Variants in SLIT3 observed in about 807,000 individuals in gnomAD.
SLIT3 encodes the protein slit guidance ligand 3.
In SLIT3, 68 loss-of-function variants were observed where a neutral mutation model predicts 184.0. The ratio of observed to expected loss-of-function variants is 0.37; its 90% CI spans 0.30 to 0.45. The LOEUF (loss-of-function observed/expected upper bound fraction) is 0.45, where lower values mean the gene tolerates loss of function less well. SLIT3 is among the 20% of genes least tolerant of loss of function. The pLI is 1.00. For missense variants in SLIT3, 1,707 were observed against 2,026.0 expected (o/e 0.84, Z 3.02); for synonymous variants, 831 against 828.6 (o/e 1.00, Z -0.05).
rs762979501 is a variant in SLIT3, at chr5:168,662,501, C to T, written c.*3953G>A. On this transcript the variant is annotated 3_prime_UTR_variant, in exon 36 of 36. Transcript: ENST00000519560. ...CTTGGGAGTTATCCCTCTTCTTGCC[C>T]TTCTTCTCATCTTTTTGAAGCATCA... is the stretch of plus-strand genomic sequence containing the variant. 1 of 151,992 alleles carries T rather than the reference C, an allele frequency of 6.6e-6. No homozygotes were observed. The highest frequency in any genetic ancestry group is 1.5e-5 in the Non-Finnish European group (1 of 68,014). The allele number at this position is 151,992 out of a possible 1,614,324, so 9.4% of individuals were successfully genotyped here.
intron 4 of SLIT3, among the ~76,000 whole-genome samples, chr5:169,006,106 C>G (rs936756636): frequency 5.9e-5 from 9 of 152,078 alleles, no homozygotes; most frequent in African/African-American, 2.2e-4. Flanking sequence ...GGGACACAGA[C>G]AAGAAAAAAA....
In SLIT3 at chr5:169,137,331, C is replaced by CAGAGAGAGAGAG. The variant is rs766822479; in HGVS notation, c.413+56147_413+56148insCTCTCTCTCTCT. Among the ~76,000 whole-genome samples the CAGAGAGAGAGAG allele has an allele frequency of 2.6e-3, 349 of 132,076 alleles. 2 individuals are homozygous for CAGAGAGAGAGAG. The highest frequency in any genetic ancestry group is 7.8e-3 in the Middle Eastern group (2 of 256). 86.6% of individuals were successfully genotyped at this position (132,076 alleles called of 152,430 possible). A position where few individuals can be genotyped will look rare whatever the true frequency, so the allele number is the denominator to read the frequency against. ...ACACACACACACACACACACACACACACACAGAGAGAGAGAGAGAGAGAGA... is the reference window on the plus strand; with the variant it reads ...ACACACACACACACACACACACACACAGAGAGAGAGAGACACAGAGAGAGAGAGAGAGAGAGA... On this transcript the variant is annotated intron_variant, in intron 4 of 35. Transcript: ENST00000519560.
intron 6 of SLIT3, among the ~76,000 whole-genome samples, chr5:168,836,778 A>G (rs1758067407): frequency 1.3e-5 from 2 of 152,134 alleles, no homozygotes; most frequent in African/African-American, 4.8e-5. Flanking sequence ...CTGATCAAAA[A>G]CAATTCAATT....
At chr5:169,067,569 C>T (rs962715256) in intron 4 of SLIT3, among the ~76,000 whole-genome samples, 7 of 152,192 alleles carry the variant, frequency 4.6e-5, no homozygotes, top group African/African-American at 9.7e-5. Flanking sequence ...GCTGATGTTG[C>T]GGAGCCTCTG....
chr5:168,855,428 T>C (rs1758829156), intron 5 of SLIT3, among the ~76,000 whole-genome samples: 1 of 152,198 alleles, frequency 6.6e-6, no homozygotes, highest in Non-Finnish European at 1.5e-5. Context: ...CAAATGTTCA[T>C]AGTGGCACCA....
intron 1 of SLIT3, among the ~76,000 whole-genome samples, chr5:169,276,963 C>G (rs1306120092): frequency 6.6e-6 from 1 of 152,172 alleles, no homozygotes; most frequent in African/African-American, 2.4e-5. Flanking sequence ...TTTAGTGGCA[C>G]TAAGTACATT....
chr5:168,950,729 C>T (rs1000909584), intron 4 of SLIT3, among the ~76,000 whole-genome samples: 6 of 152,302 alleles, frequency 3.9e-5, no homozygotes, highest in South Asian at 4.1e-4. Context: ...AACATTACCA[C>T]GTAAGGATGT....
At chr5:168,947,949 C>T (rs1262167410) in intron 4 of SLIT3, among the ~76,000 whole-genome samples, 2 of 149,334 alleles carry the variant, frequency 1.3e-5, no homozygotes, top group African/African-American at 4.9e-5. Context: ...CACCACCACA[C>T]CCGGCTAATT....
chr5:168,860,181 G>T (rs1385174367), intron 5 of SLIT3, among the ~76,000 whole-genome samples: 1 of 150,948 alleles, frequency 6.6e-6, no homozygotes, highest in Non-Finnish European at 1.5e-5. Flanking sequence ...AACAGAAGAA[G>T]AAAGTAAGGA....
intron 7 of SLIT3, among the ~76,000 whole-genome samples, chr5:168,819,729 C>A (rs1757458733): frequency 6.6e-6 from 1 of 152,218 alleles, no homozygotes; most frequent in South Asian, 2.1e-4. Context: ...TCAGAGGTTT[C>A]CCTTTTGGAA....
intron 8 of SLIT3, among the ~76,000 whole-genome samples, chr5:168,808,807 G>A (rs1029935109): frequency 1.3e-5 from 2 of 152,288 alleles, no homozygotes; most frequent in African/African-American, 4.8e-5. Context: ...CACATCGAAG[G>A]GAGGTTGGGA....
intron 4 of SLIT3, among the ~76,000 whole-genome samples, chr5:169,071,941 A>G (rs1489247126): frequency 6.6e-6 from 1 of 152,208 alleles, no homozygotes; most frequent in Non-Finnish European, 1.5e-5. Context: ...GAGAGACAGT[A>G]GAAGGTAACA....
intron 4 of SLIT3, among the ~76,000 whole-genome samples, chr5:169,098,051 C>G (rs1208014705): frequency 1.3e-5 from 2 of 152,100 alleles, no homozygotes; most frequent in Non-Finnish European, 2.9e-5. Context: ...AAAGGATGCC[C>G]AGAGCAAAGA....
At chr5:169,161,286 C>T (rs1242037018) in intron 4 of SLIT3, among the ~76,000 whole-genome samples, 1 of 152,236 alleles carries the variant, frequency 6.6e-6, no homozygotes, top group Admixed American at 6.5e-5. Flanking sequence ...CATGACATAG[C>T]TGGAATTCTC....
chr5:168,857,628 C>T (rs868517767), intron 5 of SLIT3, among the ~76,000 whole-genome samples: 1 of 152,098 alleles, frequency 6.6e-6, no homozygotes, highest in Non-Finnish European at 1.5e-5. Flanking sequence ...TGAAGTTTTT[C>T]TCATTTTGTT....
intron 4 of SLIT3, among the ~76,000 whole-genome samples, chr5:169,034,286 A>G (rs1221901453): frequency 6.6e-6 from 1 of 151,576 alleles, no homozygotes; most frequent in Non-Finnish European, 1.5e-5. Flanking sequence ...TTGTGTCCTG[A>G]GCCTTTGGTG....
chr5:169,240,708 A>T (rs553172865), intron 3 of SLIT3, among the ~76,000 whole-genome samples: 4 of 150,652 alleles, frequency 2.7e-5, no homozygotes, highest in Admixed American at 2.0e-4. Flanking sequence ...TTGGAGAATT[A>T]GTGCATTTAC....
intron 4 of SLIT3, among the ~76,000 whole-genome samples, chr5:169,171,244 GA>G (rs1762808080): frequency 6.6e-6 from 1 of 152,188 alleles, no homozygotes; most frequent in Non-Finnish European, 1.5e-5. Flanking sequence ...ACTTTGTAAG[GA>G]TTATTTCACG....
At chr5:168,897,646 G>GCGCGCACACACACACA in intron 4 of SLIT3, among the ~76,000 whole-genome samples, 113 of 105,442 alleles carry the variant, frequency 1.1e-3, no homozygotes, top group African/African-American at 4.3e-3. Flanking sequence ...ACAGGTGCAC[G>GCGCGCACACACACACA]TACACACACA....
Sources: allele counts gnomAD v4.1 joint callset (sites outside exome capture counted in the v4.1 genomes callset), GRCh38; gene constraint gnomAD v4.1.1; transcripts MANE v1.5; gene names NCBI Gene and HGNC (gene_info 2026-07-23, HGNC 2026-07-21).